The following CACNA1C variants were observed in gnomAD, a reference collection of about 807,000 sequenced individuals.
CACNA1C encodes the protein voltage-dependent L-type calcium channel subunit alpha-1C.
CACNA1C carries 30 observed loss-of-function variants against 229.0 expected under a neutral mutation model. The ratio of observed to expected loss-of-function variants is 0.13; its 90% CI spans 0.10 to 0.18. CACNA1C has a LOEUF of 0.18. CACNA1C is among the 10% of genes least tolerant of loss of function. The pLI is 1.00. For missense variants in CACNA1C, 1,658 were observed against 2,845.0 expected (o/e 0.58, Z 9.49); for synonymous variants, 1,114 against 1,132.5 (o/e 0.98, Z 0.33).
At chr12:2,199,572 A>G (rs930396800) in intron 3 of CACNA1C, among the ~76,000 whole-genome samples, 1 of 152,150 alleles carries the variant, frequency 6.6e-6, no homozygotes, top group Non-Finnish European at 1.5e-5. Flanking sequence ...ATAGTAGGCT[A>G]TGAGTAGTTA....
In CACNA1C at chr12:2,693,285, G is replaced by C. The variant is rs919501030; in HGVS notation, c.*2086G>C. 5.3e-5 allele frequency: 8 copies of C among 152,202 alleles called. No individual in the cohort carries two copies. Among genetic ancestry groups the C allele is most frequent in the African/African-American group, 1.7e-4 (7 of 41,440 alleles). 9.4% of individuals were successfully genotyped at this position (152,202 alleles called of 1,614,324 possible). On this transcript the variant is annotated 3_prime_UTR_variant, in exon 47 of 47. Coordinates refer to ENST00000399655, the MANE Select transcript of CACNA1C (RefSeq NM_000719.7). Reference sequence around the variant, plus strand: ...AGGGAGGCGTTCTGATGAGCCCTCAGTCACTGGGCCGTCATCCGCATCCCC... The same window carrying C: ...AGGGAGGCGTTCTGATGAGCCCTCACTCACTGGGCCGTCATCCGCATCCCC...
At chr12:2,380,076 G>A (rs1367283709) in intron 3 of CACNA1C, among the ~76,000 whole-genome samples, 1 of 151,076 alleles carries the variant, frequency 6.6e-6, no homozygotes, top group Non-Finnish European at 1.5e-5. Flanking sequence ...CTTTGGCACA[G>A]GTCCCCTGGT....
chr12:2,540,914 C>A (rs1275346765), intron 9 of CACNA1C, among the ~76,000 whole-genome samples: 1 of 152,176 alleles, frequency 6.6e-6, no homozygotes, highest in Non-Finnish European at 1.5e-5. Context: ...TTTTATCAGT[C>A]TAGAGGCTGG....
At chr12:2,207,039 GT>G (rs1228055641) in intron 3 of CACNA1C, among the ~76,000 whole-genome samples, 2 of 152,220 alleles carry the variant, frequency 1.3e-5, no homozygotes, top group African/African-American at 4.8e-5. Flanking sequence ...TCTTGTGGGT[GT>G]TGTGTAGAGC....
At chr12:2,503,476 A>G (rs551541040) in intron 7 of CACNA1C, among the ~76,000 whole-genome samples, 4 of 152,324 alleles carry the variant, frequency 2.6e-5, no homozygotes, top group South Asian at 2.1e-4. Context: ...CAGCTCTGCA[A>G]TTTATCTTCA....
At chr12:2,004,978 C>A (rs957329577) in intron 1 of CACNA1C, among the ~76,000 whole-genome samples, 3 of 145,946 alleles carry the variant, frequency 2.1e-5, no homozygotes, top group African/African-American at 7.5e-5. Context: ...AAAAACAAAA[C>A]CTTTTATGAC....
chr12:2,436,481 C>T (rs2154559664), intron 3 of CACNA1C, among the ~76,000 whole-genome samples: 1 of 152,352 alleles, frequency 6.6e-6, no homozygotes, highest in East Asian at 1.9e-4. Flanking sequence ...AGGCTAAGCA[C>T]AGAATTACAT....
At chr12:2,617,971 TCGTCACA>T (rs1177173888) in intron 29 of CACNA1C, among the ~76,000 whole-genome samples, 1 of 152,254 alleles carries the variant, frequency 6.6e-6, no homozygotes. Context: ...CAAATAGCTT[TCGTCACA>T]TGACCCGAAG....
intron 3 of CACNA1C, among the ~76,000 whole-genome samples, chr12:2,222,014 T>C (rs561881524): frequency 1.3e-4 from 20 of 152,352 alleles, no homozygotes; most frequent in African/African-American, 4.3e-4. Context: ...AGACAGGATA[T>C]ACTATACCCT....
At chr12:2,008,125 A>T (rs11062061) in intron 1 of CACNA1C, among the ~76,000 whole-genome samples, 3,713 of 151,866 alleles carry the variant, frequency 0.024, 135 homozygotes, top group African/African-American at 0.078. Flanking sequence ...TTATTTATTT[A>T]TTTATTTTTT....
chr12:2,435,879 G>A (rs772198069), intron 3 of CACNA1C, among the ~76,000 whole-genome samples: 25 of 152,198 alleles, frequency 1.6e-4, no homozygotes, highest in Non-Finnish European at 2.8e-4. Context: ...GCAGGCCGTC[G>A]TGCCATGTAC....
At chr12:2,313,534 A>G (rs1211307828) in intron 3 of CACNA1C, among the ~76,000 whole-genome samples, 2 of 152,236 alleles carry the variant, frequency 1.3e-5, no homozygotes, top group African/African-American at 4.8e-5. Flanking sequence ...AAAAAAGAGC[A>G]TTCCTATAAT....
intron 28 of CACNA1C, 37 bp downstream of exon 28, chr12:2,610,736 A>T: frequency 6.2e-7 from 1 of 1,609,434 alleles, no homozygotes. Context: ...GGTGCTGCAG[A>T]AGGGAGTGTG....
At chr12:2,327,709 A>G (rs1047684558) in intron 3 of CACNA1C, among the ~76,000 whole-genome samples, 2 of 152,320 alleles carry the variant, frequency 1.3e-5, no homozygotes, top group South Asian at 4.1e-4. Flanking sequence ...TTGAGGGTTG[A>G]TGCAACAGCG....
chr12:2,546,501 G>A (rs1398726499), intron 9 of CACNA1C, among the ~76,000 whole-genome samples: 1 of 151,586 alleles, frequency 6.6e-6, no homozygotes, highest in Non-Finnish European at 1.5e-5. Context: ...ACACTTTTCT[G>A]TGCAGTGGCT....
intron 3 of CACNA1C, among the ~76,000 whole-genome samples, chr12:2,438,466 G>A (rs1402209966): frequency 6.6e-5 from 10 of 152,002 alleles, no homozygotes; most frequent in Non-Finnish European, 1.0e-4. Flanking sequence ...GGATTGAGAA[G>A]TCCAGAGCAG....
chr12:2,405,989 C>T (rs553278275), intron 3 of CACNA1C, among the ~76,000 whole-genome samples: 1 of 152,150 alleles, frequency 6.6e-6, no homozygotes, highest in Non-Finnish European at 1.5e-5. Flanking sequence ...TGTGAAAATA[C>T]CTTTATTTCC....
At chr12:2,596,698 G>A (rs997183607) in intron 20 of CACNA1C, among the ~76,000 whole-genome samples, 2 of 152,036 alleles carry the variant, frequency 1.3e-5, no homozygotes, top group Admixed American at 1.3e-4. Flanking sequence ...CCTGGAGCCG[G>A]TCCTCAGCCT....
At chr12:2,301,713 T>G (rs2094574250) in intron 3 of CACNA1C, among the ~76,000 whole-genome samples, 1 of 152,154 alleles carries the variant, frequency 6.6e-6, no homozygotes, top group Non-Finnish European at 1.5e-5. Flanking sequence ...TGGAAAAAAC[T>G]GGAGTGATGA....
Sources: allele counts gnomAD v4.1 joint callset (sites outside exome capture counted in the v4.1 genomes callset), GRCh38; gene constraint gnomAD v4.1.1; transcripts MANE v1.5; gene names NCBI Gene and HGNC (gene_info 2026-07-23, HGNC 2026-07-21).